The following ANKH variants were observed in gnomAD, a reference collection of about 807,000 sequenced individuals.
ANKH encodes the protein mineralization regulator ANKH.
Under a neutral mutation model 49.0 loss-of-function variants are expected in ANKH, and 15 were observed. The ratio of observed to expected loss-of-function variants is 0.31; its 90% CI spans 0.20 to 0.47. The LOEUF is 0.47. ANKH is among the 20% of genes least tolerant of loss of function. The probability of loss-of-function intolerance (pLI) is 1.00; values close to 1 mark genes in which losing one functional copy is unlikely to be tolerated. For synonymous variants in ANKH, 273 were observed against 260.0 expected (o/e 1.05, Z -0.48); for missense variants, 429 against 652.0 (o/e 0.66, Z 3.72).
intron 1 of ANKH, 131 bp downstream of exon 1, chr5:14,871,221 A>G: frequency 1.3e-6 from 1 of 792,664 alleles, no homozygotes; most frequent in Non-Finnish European, 2.1e-6. Flanking sequence ...CACCCTTGAC[A>G]AGCTGCACAC....
chr5:14,759,285 A>T (rs2126496336), intron 2 of ANKH, among the ~76,000 whole-genome samples: 1 of 152,344 alleles, frequency 6.6e-6, no homozygotes, highest in East Asian at 1.9e-4. Context: ...ACTGGAACAT[A>T]GGCACTCAGC....
chr5:14,708,229 C>T lies in ANKH; in HGVS notation c.*2968G>A, dbSNP rs1420121454. ...AAGGAGGAGCTCTAGAAAACCCTTACTATTTCCTATGCTTTGAGCTGCCCA... is the reference window on the plus strand; with the variant it reads ...AAGGAGGAGCTCTAGAAAACCCTTATTATTTCCTATGCTTTGAGCTGCCCA... On this transcript the variant is annotated 3_prime_UTR_variant, in exon 12 of 12. Transcript: ENST00000284268. 2 of 152,224 alleles carry T rather than the reference C, an allele frequency of 1.3e-5. No individual in the cohort carries two copies. The highest frequency in any genetic ancestry group is 1.5e-5 in the Non-Finnish European group (1 of 68,036). 9.4% of individuals were successfully genotyped at this position (152,224 alleles called of 1,614,324 possible).
At chr5:14,750,145 G>A (rs564177459) in intron 5 of ANKH, among the ~76,000 whole-genome samples, 71 of 152,308 alleles carry the variant, frequency 4.7e-4, no homozygotes, top group African/African-American at 1.6e-3. Context: ...TGCTTGATAC[G>A]ACAAAGTAAT....
chr5:14,797,644 T>C, intron 1 of ANKH: 3 of 1,601,242 alleles, frequency 1.9e-6, no homozygotes, highest in Non-Finnish European at 2.6e-6. Context: ...TCCCAAATCA[T>C]CAGTTTCTGA....
At chr5:14,739,824 G>C (rs1324629071) in intron 8 of ANKH, among the ~76,000 whole-genome samples, 1 of 152,160 alleles carries the variant, frequency 6.6e-6, no homozygotes, top group Non-Finnish European at 1.5e-5. Flanking sequence ...CCAAGTTCCT[G>C]TCTGACAAAG....
intron 1 of ANKH, chr5:14,797,979 G>A (rs567281818): frequency 1.3e-5 from 21 of 1,562,656 alleles, no homozygotes; most frequent in Admixed American, 1.7e-5. Flanking sequence ...AGTCTTTGTT[G>A]TGATGATACA....
At chr5:14,825,343 G>A (rs1580097654) in intron 1 of ANKH, among the ~76,000 whole-genome samples, 1 of 152,026 alleles carries the variant, frequency 6.6e-6, no homozygotes, top group East Asian at 1.9e-4. Flanking sequence ...CTACTTCTTG[G>A]TGATTTTCTT....
chr5:14,830,685 G>C (rs1741480749), intron 1 of ANKH, among the ~76,000 whole-genome samples: 1 of 152,202 alleles, frequency 6.6e-6, no homozygotes, highest in African/African-American at 2.4e-5. Context: ...GCTCCAGGCT[G>C]CAGCTCTATT....
chr5:14,858,750 TAAATA>T (rs1202784672), intron 1 of ANKH, among the ~76,000 whole-genome samples: 1 of 103,950 alleles, frequency 9.6e-6, no homozygotes, highest in Non-Finnish European at 2.0e-5. Context: ...AATAAATAAA[TAAATA>T]AATAAAATAA....
chr5:14,858,490 T>C (rs139987501), intron 1 of ANKH, among the ~76,000 whole-genome samples: 1 of 151,920 alleles, frequency 6.6e-6, no homozygotes, highest in East Asian at 1.9e-4. Flanking sequence ...GCCAAGGGGG[T>C]GCGGATCACA....
intron 1 of ANKH, among the ~76,000 whole-genome samples, chr5:14,814,257 T>C (rs1252255036): frequency 6.6e-6 from 1 of 152,220 alleles, no homozygotes; most frequent in Non-Finnish European, 1.5e-5. Context: ...AGGAGACTGG[T>C]GTGTGTCATC....
At chr5:14,836,421 C>G (rs1488691258) in intron 1 of ANKH, among the ~76,000 whole-genome samples, 1 of 152,188 alleles carries the variant, frequency 6.6e-6, no homozygotes, top group African/African-American at 2.4e-5. Flanking sequence ...TCAGCAAAGC[C>G]TCAGGATACA....
At chr5:14,776,056 A>G (rs114715779) in intron 1 of ANKH, among the ~76,000 whole-genome samples, 1,672 of 152,314 alleles carry the variant, frequency 0.011, 30 homozygotes, top group African/African-American at 0.038. Context: ...CTTGGGTCCC[A>G]ACGCCTGGCT....
chr5:14,800,729 T>TTTTC, intron 1 of ANKH, among the ~76,000 whole-genome samples: 1 of 138,318 alleles, frequency 7.2e-6, no homozygotes, highest in African/African-American at 2.9e-5. Context: ...TTTTTTTTCT[T>TTTTC]TTTTTTTTTT....
chr5:14,778,285 T>C (rs551223168), intron 1 of ANKH, among the ~76,000 whole-genome samples: 2 of 152,352 alleles, frequency 1.3e-5, no homozygotes, highest in African/African-American at 4.8e-5. Context: ...CCTAGCCATA[T>C]TGCTCTCTCA....
intron 8 of ANKH, among the ~76,000 whole-genome samples, chr5:14,718,438 C>A (rs1226159817): frequency 6.6e-6 from 1 of 151,896 alleles, no homozygotes; most frequent in African/African-American, 2.4e-5. Context: ...AAAAAAAAAA[C>A]TTTTCTCCAC....
chr5:14,738,062 C>A (rs1297492250), intron 8 of ANKH, among the ~76,000 whole-genome samples: 1 of 152,192 alleles, frequency 6.6e-6, no homozygotes, highest in Non-Finnish European at 1.5e-5. Flanking sequence ...CCACACTGGG[C>A]AGAAGACATC....
At chr5:14,763,308 C>T (rs73048883) in intron 2 of ANKH, among the ~76,000 whole-genome samples, 4,662 of 152,266 alleles carry the variant, frequency 0.031, 240 homozygotes, top group African/African-American at 0.11. Context: ...GGTAATTTCA[C>T]CCCTGTGCTT....
At chr5:14,742,590 GC>G (rs1157932247) in intron 7 of ANKH, among the ~76,000 whole-genome samples, 2 of 152,124 alleles carry the variant, frequency 1.3e-5, no homozygotes, top group Admixed American at 1.3e-4. Context: ...TCCAAGCTGG[GC>G]CCCACCTCCT....
Sources: allele counts gnomAD v4.1 joint callset (sites outside exome capture counted in the v4.1 genomes callset), GRCh38; gene constraint gnomAD v4.1.1; transcripts MANE v1.5; gene names NCBI Gene and HGNC (gene_info 2026-07-23, HGNC 2026-07-21).